LIN28B: variants seen among roughly 807,000 people sequenced by gnomAD.
LIN28B encodes the protein lin-28 RNA binding posttranscriptional regulator B.
Under a neutral mutation model 21.9 loss-of-function variants are expected in LIN28B, and 5 were observed. The ratio of observed to expected loss-of-function variants is 0.23; its 90% CI spans 0.12 to 0.48. The LOEUF (loss-of-function observed/expected upper bound fraction) is 0.48. Among genes scored for constraint, LIN28B ranks in the 20% least tolerant of loss-of-function variants. The pLI is 0.98. For missense variants in LIN28B, 245 were observed against 310.5 expected (o/e 0.79, Z 1.58); for synonymous variants, 109 against 111.3 (o/e 0.98, Z 0.13).
At chr6:104,987,700 C>T (rs1770375131) in intron 2 of LIN28B, among the ~76,000 whole-genome samples, 1 of 152,080 alleles carries the variant, frequency 6.6e-6, no homozygotes, top group Admixed American at 6.6e-5. Flanking sequence ...ACAGTCATGT[C>T]ATTTTCAAAT....
intron 2 of LIN28B, among the ~76,000 whole-genome samples, chr6:104,964,633 G>A (rs1769819737): frequency 6.6e-6 from 1 of 152,084 alleles, no homozygotes; most frequent in African/African-American, 2.4e-5. Context: ...ATTGATTATA[G>A]CATCTTCTAA....
At chr6:105,018,463 T>C (rs1335417212) in intron 2 of LIN28B, among the ~76,000 whole-genome samples, 1 of 152,170 alleles carries the variant, frequency 6.6e-6, no homozygotes, top group South Asian at 2.1e-4. Flanking sequence ...TTTCGACTGC[T>C]GTCTTCAATC....
At chr6:104,983,262 T>G (rs775853860) in intron 2 of LIN28B, among the ~76,000 whole-genome samples, 25 of 152,224 alleles carry the variant, frequency 1.6e-4, no homozygotes, top group Non-Finnish European at 3.4e-4. Flanking sequence ...TCTGGGTATC[T>G]TAAAAGGAGA....
intron 3 of LIN28B, among the ~76,000 whole-genome samples, chr6:105,027,678 T>C (rs1482028490): frequency 6.6e-6 from 1 of 152,096 alleles, no homozygotes; most frequent in African/African-American, 2.4e-5. Context: ...GTTACCTGAC[T>C]TTATTTCATT....
intron 2 of LIN28B, among the ~76,000 whole-genome samples, chr6:104,983,574 T>G (rs1582878057): frequency 6.6e-6 from 1 of 152,070 alleles, no homozygotes; most frequent in East Asian, 1.9e-4. Flanking sequence ...TCTCCAGGTT[T>G]TGTTTTTGTT....
At chr6:105,042,017 A>T (rs759845866) in intron 3 of LIN28B, among the ~76,000 whole-genome samples, 1 of 152,188 alleles carries the variant, frequency 6.6e-6, no homozygotes, top group Non-Finnish European at 1.5e-5. Flanking sequence ...ATTCCCAGCA[A>T]TTCTCACAAA....
At chr6:104,941,708 A>C (rs1222222496) in intron 2 of LIN28B, among the ~76,000 whole-genome samples, 1 of 152,204 alleles carries the variant, frequency 6.6e-6, no homozygotes, top group Non-Finnish European at 1.5e-5. Context: ...AGGATTTTGA[A>C]AAGAACGGGG....
At chr6:105,020,747 C>CT (rs1176851045) in intron 2 of LIN28B, among the ~76,000 whole-genome samples, 1,889 of 85,242 alleles carry the variant, frequency 0.022, 49 homozygotes, top group Middle Eastern at 0.047. Context: ...TCATTCCACT[C>CT]TTTTTTTTTT....
intron 2 of LIN28B, among the ~76,000 whole-genome samples, chr6:104,968,568 T>C (rs1043605014): frequency 6.6e-6 from 1 of 152,218 alleles, no homozygotes; most frequent in African/African-American, 2.4e-5. Flanking sequence ...TTTTTAAATC[T>C]TGTAAGTTTA....
chr6:105,046,956 A>G (rs1449329342), intron 3 of LIN28B, among the ~76,000 whole-genome samples: 1 of 152,056 alleles, frequency 6.6e-6, no homozygotes, highest in Non-Finnish European at 1.5e-5. Context: ...ATTTTCTCCC[A>G]TTCCGTAGGT....
At chr6:104,954,491 C>T (rs147385173), upstream of LIN28B, among the ~76,000 whole-genome samples, 1,274 of 152,274 alleles carry the variant, frequency 8.4e-3, 16 homozygotes, top group African/African-American at 0.029. Context: ...TCCTTGCTTT[C>T]TTCTTCCTTT....
chr6:104,945,729 TACAA>T (rs1778148542), intron 2 of LIN28B, among the ~76,000 whole-genome samples: 1 of 152,122 alleles, frequency 6.6e-6, no homozygotes. Context: ...TGTTGGAAAA[TACAA>T]ACACATTAGC....
intron 3 of LIN28B, among the ~76,000 whole-genome samples, chr6:105,035,795 G>A (rs1205688971): frequency 1.3e-5 from 2 of 152,064 alleles, no homozygotes; most frequent in Non-Finnish European, 2.9e-5. Context: ...TTTTAGTCTT[G>A]TATGCATTTG....
intron 2 of LIN28B, among the ~76,000 whole-genome samples, chr6:104,988,168 A>G (rs1362609735): frequency 6.6e-6 from 1 of 152,248 alleles, no homozygotes; most frequent in Non-Finnish European, 1.5e-5. Flanking sequence ...ACTCATCATT[A>G]AGCATGATAC....
chr6:105,067,609 T>G (rs1209473907), intron 3 of LIN28B, among the ~76,000 whole-genome samples: 1 of 151,288 alleles, frequency 6.6e-6, no homozygotes. Context: ...GAACAGACTA[T>G]CTGTCTGAGA....
intron 2 of LIN28B, among the ~76,000 whole-genome samples, chr6:105,023,879 A>G (rs1771230199): frequency 2.0e-5 from 3 of 151,166 alleles, no homozygotes; most frequent in South Asian, 2.1e-4. Flanking sequence ...AAATTAAGTG[A>G]AAGTATACCA....
At chr6:105,042,565 A>C (rs961585387) in intron 3 of LIN28B, among the ~76,000 whole-genome samples, 1 of 151,606 alleles carries the variant, frequency 6.6e-6, no homozygotes, top group Non-Finnish European at 1.5e-5. Flanking sequence ...TTGTAAGATC[A>C]TTATTTTGAA....
chr6:105,039,679 T>A (rs1236623756), intron 3 of LIN28B, among the ~76,000 whole-genome samples: 2 of 152,194 alleles, frequency 1.3e-5, no homozygotes, highest in Admixed American at 6.5e-5. Context: ...TTTAACCATT[T>A]GTTCAAGTTA....
intron 2 of LIN28B, among the ~76,000 whole-genome samples, chr6:104,964,304 A>G (rs976352434): frequency 1.3e-5 from 2 of 152,212 alleles, no homozygotes; most frequent in African/African-American, 4.8e-5. Context: ...CTGTGACTAC[A>G]GGCATGCACC....
Sources: allele counts gnomAD v4.1 joint callset (sites outside exome capture counted in the v4.1 genomes callset), GRCh38; gene constraint gnomAD v4.1.1; transcripts MANE v1.5; gene names NCBI Gene and HGNC (gene_info 2026-07-23, HGNC 2026-07-21).